STK10: variants seen among roughly 807,000 people sequenced by gnomAD.
STK10 encodes serine/threonine-protein kinase 10.
STK10 carries 78 observed loss-of-function variants against 113.8 expected under a neutral mutation model. The ratio of observed to expected loss-of-function variants is 0.69; its 90% CI spans 0.57 to 0.83. The LOEUF is 0.83. Among genes scored for constraint, STK10 ranks in the 40% least tolerant of loss-of-function variants. STK10 has a pLI of 0.00. For missense variants in STK10, 1,109 were observed against 1,280.1 expected (o/e 0.87, Z 2.04); for synonymous variants, 465 against 494.7 (o/e 0.94, Z 0.80).
At chr5:172,145,972 G>C (rs1770078148) in intron 2 of STK10, among the ~76,000 whole-genome samples, 1 of 152,186 alleles carries the variant, frequency 6.6e-6, no homozygotes. Flanking sequence ...CAGGTGTCCT[G>C]GGCAAGCTCA....
rs146968579 is a variant in STK10 at position 172,124,635 on chromosome 5, T to C, written c.370+2738A>G. ...GATGGACTACTGTAAATTTCACACA[T>C]TCCTGAGATGGGTTTGGATCATAAT... On this transcript the variant is annotated intron_variant, in intron 3 of 18. Coordinates refer to ENST00000176763, the MANE Select transcript of STK10 (RefSeq NM_005990.4). 3.5e-3 allele frequency among the ~76,000 whole-genome samples: 540 copies of C among 152,260 alleles called. 10 individuals carry two copies. The highest frequency in any genetic ancestry group is 0.013 in the African/African-American group (524 of 41,536).
At chr5:172,151,887 C>T (rs1315289543) in intron 2 of STK10, among the ~76,000 whole-genome samples, 1 of 152,240 alleles carries the variant, frequency 6.6e-6, no homozygotes, top group East Asian at 1.9e-4. Context: ...ACGCGCCAGC[C>T]GCAACACCTT....
At chr5:172,098,683 T>C (rs73801853) in intron 7 of STK10, among the ~76,000 whole-genome samples, 2,113 of 152,226 alleles carry the variant, frequency 0.014, 50 homozygotes, top group African/African-American at 0.047. Context: ...GGAGGCAAAG[T>C]AGCATGCAGT....
rs570538090 is a variant in STK10, at chr5:172,187,223, G to A, written c.156+664C>T. Among the ~76,000 whole-genome samples the A allele has an allele frequency of 1.1e-4, 17 of 152,188 alleles. No homozygotes were observed. The highest frequency in any genetic ancestry group is 4.1e-4 in the African/African-American group (17 of 41,526). On this transcript the variant is annotated intron_variant, in intron 1 of 18. Coordinates refer to ENST00000176763, the MANE Select transcript of STK10 (RefSeq NM_005990.4). The surrounding 1 kb of genome is among the most constrained non-coding windows in gnomAD (Gnocchi z 4.6). ...TTCCTCTAGGGGAGAGGTGACTGCA[G>A]GCTGGGAGACTCCCCAGCTGTGACT...
At chr5:172,136,510 T>A in intron 2 of STK10, among the ~76,000 whole-genome samples, 1 of 152,132 alleles carries the variant, frequency 6.6e-6, no homozygotes, top group East Asian at 1.9e-4. Context: ...GGCAGGAGAA[T>A]GGTGTGAACC....
intron 2 of STK10, among the ~76,000 whole-genome samples, chr5:172,128,099 G>A (rs1336165577): frequency 1.3e-5 from 2 of 152,038 alleles, no homozygotes; most frequent in Non-Finnish European, 2.9e-5. Context: ...AGGCCCTCAA[G>A]GGGCTCCCAG....
chr5:172,149,351 C>G (rs1260599144), intron 2 of STK10, among the ~76,000 whole-genome samples: 1 of 152,216 alleles, frequency 6.6e-6, no homozygotes, highest in East Asian at 1.9e-4. Context: ...GGCCAAGGAG[C>G]TGCCAGCCTC....
chr5:172,077,427 C>T (rs942674069), intron 12 of STK10, among the ~76,000 whole-genome samples: 1 of 152,190 alleles, frequency 6.6e-6, no homozygotes, highest in African/African-American at 2.4e-5. Context: ...TAAGAAGTTA[C>T]AACTGTCAAG....
intron 1 of STK10, among the ~76,000 whole-genome samples, chr5:172,180,608 T>C (rs1561837335): frequency 1.3e-5 from 2 of 150,858 alleles, no homozygotes; most frequent in Non-Finnish European, 2.9e-5. Flanking sequence ...CTGGCCAACA[T>C]GGTGAAACCC....
chr5:172,122,883 A>C (rs577746516), intron 3 of STK10, among the ~76,000 whole-genome samples: 45 of 152,308 alleles, frequency 3.0e-4, no homozygotes, highest in Non-Finnish European at 5.3e-4. Context: ...TCGGCCTCCC[A>C]AAGTGCTGGG....
chr5:172,079,600 T>C (rs886671712), intron 12 of STK10, among the ~76,000 whole-genome samples: 5 of 151,878 alleles, frequency 3.3e-5, no homozygotes, highest in African/African-American at 1.2e-4. Flanking sequence ...TTGCTCTTGT[T>C]GCCCAGGCTG....
At chr5:172,100,771 G>A (rs1038577009) in intron 7 of STK10, among the ~76,000 whole-genome samples, 1 of 152,074 alleles carries the variant, frequency 6.6e-6, no homozygotes, top group African/African-American at 2.4e-5. Context: ...TGGGCAACAC[G>A]ACGAGACTCC....
intron 7 of STK10, among the ~76,000 whole-genome samples, chr5:172,103,506 T>C (rs918275625): frequency 2.6e-5 from 4 of 152,058 alleles, no homozygotes; most frequent in African/African-American, 9.7e-5. Context: ...AGGCCGGATG[T>C]ATCAGGGCAG....
At chr5:172,155,867 T>C (rs976492265) in intron 2 of STK10, among the ~76,000 whole-genome samples, 24 of 151,454 alleles carry the variant, frequency 1.6e-4, no homozygotes, top group African/African-American at 5.1e-4. Context: ...TGGTGGCACA[T>C]GCCTATAATC....
intron 18 of STK10, chr5:172,045,435 G>A (rs770367728): frequency 2.2e-6 from 1 of 459,124 alleles, no homozygotes; most frequent in South Asian, 1.6e-5. Context: ...CCTGAGTTGA[G>A]ATTGCGCCAC....
At chr5:172,047,643 C>T (rs1767518587) in intron 18 of STK10, among the ~76,000 whole-genome samples, 1 of 152,178 alleles carries the variant, frequency 6.6e-6, no homozygotes, top group African/African-American at 2.4e-5. Context: ...CATCACACAG[C>T]TGAGATGGGC....
intron 1 of STK10, among the ~76,000 whole-genome samples, chr5:172,171,097 G>A (rs888624524): frequency 6.6e-6 from 1 of 152,110 alleles, no homozygotes; most frequent in South Asian, 2.1e-4. Flanking sequence ...AGGTTAAGTC[G>A]GCCTGTTTAT....
In STK10 at chr5:172,145,712, C is replaced by T. The variant is rs112129277; in HGVS notation, c.321+10912G>A. On this transcript the variant is annotated intron_variant, in intron 2 of 18. Transcript: ENST00000176763. The stretch of plus-strand genomic sequence containing the variant: ...AGAATGACCTTGGGACAAGTAACTT[C>T]GGAGATCCAAGCCTCAGTATGCTCA... Among the ~76,000 whole-genome samples the T allele has an allele frequency of 5.4e-3, 828 of 152,308 alleles. 1 individual carries two copies. Among genetic ancestry groups the T allele is most frequent in the African/African-American group, 0.018 (741 of 41,564 alleles).
rs1404874479 is a variant in STK10, at chr5:172,082,875, C to T, written c.1809+86G>A. The T allele has an allele frequency of 6.4e-7, 1 of 1,561,484 alleles. No individual in the cohort carries two copies. The highest frequency in any genetic ancestry group is 1.2e-5 in the South Asian group (1 of 85,660). On this transcript the variant is annotated intron_variant, in intron 11 of 18. Transcript: ENST00000176763. This position sits in a 1 kb window ranked among gnomAD's most constrained non-coding sequence, Gnocchi z 4.3. The stretch of plus-strand genomic sequence containing the variant: ...AATTGTTGTGAATTACTCTCCACTA[C>T]CCAATCATTCCCACTATGTAGCTTC...
Sources: gnomAD v4.1 joint callset for allele counts (sites outside exome capture counted in the v4.1 genomes callset) on GRCh38, gnomAD v4.1.1 for gene constraint, Gnocchi (gnomAD v3.1) non-coding constraint, MANE v1.5 for transcripts, NCBI Gene and HGNC (gene_info 2026-07-23, HGNC 2026-07-21) for gene names.